SLC27A5: variants seen among roughly 807,000 people sequenced by gnomAD.
SLC27A5 encodes solute carrier family 27 member 5, also known as long-chain fatty acid transport protein 5.
Under a neutral mutation model 63.1 loss-of-function variants are expected in SLC27A5, and 47 were observed. The observed-to-expected ratio is 0.74, with a 90% CI of 0.59 to 0.95. The LOEUF (loss-of-function observed/expected upper bound fraction) is 0.95, where lower values mean the gene tolerates loss of function less well. SLC27A5 is among the 40% of genes least tolerant of loss of function. SLC27A5 has a pLI of 0.00. For missense variants in SLC27A5, 940 were observed against 921.0 expected (o/e 1.02, Z -0.27); for synonymous variants, 391 against 403.8 (o/e 0.97, Z 0.38).
rs946531722 is a variant in SLC27A5 at position 58,499,514 on chromosome 19, C to T, written c.1645G>A (p.Asp549Asn). ...MDREGFLYFR[D>N]RLGDTFRWKG... ...GACCGGAAGGTGTCCCCGAGGCGGT[C>T]GCGGAAGTAGAGGAAGCCTTCGCGG... The change falls in exon 7 of 10, where the codon GAC (aspartate) becomes AAC (asparagine). Residue 549 changes from aspartate (D) to asparagine (N), a missense_variant. Asp to Asn is a conservative substitution (Grantham distance 23). Coordinates refer to ENST00000263093, the MANE Select transcript of SLC27A5 (RefSeq NM_012254.3). 5.6e-6 allele frequency: 9 copies of T among 1,613,066 alleles called. No individual in the cohort carries two copies. The South Asian group carries it at 6.6e-5, about 12-fold the overall frequency.
intron 3 of SLC27A5, among the ~76,000 whole-genome samples, chr19:58,503,385 C>T (rs1389749945): frequency 1.3e-5 from 2 of 151,300 alleles, no homozygotes; most frequent in African/African-American, 4.9e-5. Flanking sequence ...GGGGGCTGGG[C>T]GTGGTGGCTC....
intron 3 of SLC27A5, among the ~76,000 whole-genome samples, chr19:58,503,814 C>CA (rs111527205): frequency 4.1e-5 from 6 of 145,092 alleles, no homozygotes; most frequent in East Asian, 3.9e-4. Flanking sequence ...AACAAACAAA[C>CA]AAAAAAACAG....
chr19:58,510,620 TA>T, intron 2 of SLC27A5, 100 bp downstream of exon 2: 1 of 985,650 alleles, frequency 1.0e-6, no homozygotes, highest in Non-Finnish European at 1.4e-6. Flanking sequence ...AATCAGAGGG[TA>T]AAGTGGTTTC....
chr19:58,507,552 T>C (rs2053361299), intron 3 of SLC27A5: 1 of 152,126 alleles, frequency 6.6e-6, no homozygotes, highest in Non-Finnish European at 1.5e-5. Flanking sequence ...TCAGCGCACA[T>C]TGAAAAAGAA....
Position 58,505,726 on chromosome 19 carries a change from T to C in SLC27A5, c.1057+4121A>G, listed in dbSNP as rs1355413864. Among the ~76,000 whole-genome samples, 8 of 151,092 alleles carry C rather than the reference T, an allele frequency of 5.3e-5. No homozygotes were observed. The East Asian group carries it at 1.6e-3, about 30-fold the overall frequency. On this transcript the variant is annotated intron_variant, in intron 3 of 9. Coordinates refer to ENST00000263093, the MANE Select transcript of SLC27A5 (RefSeq NM_012254.3). ...AGCCGGTCGTGAGGGCACATGCCTG[T>C]AATCCCAGCTACTTGGGATGCTGAG... is the stretch of plus-strand genomic sequence containing the variant.
Position 58,511,839 on chromosome 19 carries a change from A to G in SLC27A5, c.117T>C (p.Asp39=). 2.6e-6 allele frequency: 4 copies of G among 1,558,806 alleles called. No individual in the cohort carries two copies. Among genetic ancestry groups the G allele is most frequent in the Non-Finnish European group, 3.5e-6 (4 of 1,151,874 alleles). ...VALTLRWLLG[D]PTCCVLLGLA... ...GCCCAAGTAGCACGCAACATGTGGG[A>G]TCCCCCAGGAGCCAGCGCAGGGTCA... Residue 39 remains aspartate (D), a synonymous_variant, in exon 1 of 10, where the codon GAT becomes GAC. Transcript: ENST00000263093.
At chr19:58,500,887 A>C in intron 4 of SLC27A5, 181 bp from the exon 5 acceptor site, 2 of 1,420,454 alleles carry the variant, frequency 1.4e-6, no homozygotes, top group Non-Finnish European at 9.2e-7. Flanking sequence ...TGGAGTCTTA[A>C]ATAGAGGGTT....
intron 3 of SLC27A5, among the ~76,000 whole-genome samples, chr19:58,503,279 G>T (rs1031759932): frequency 4.6e-5 from 7 of 151,904 alleles, no homozygotes; most frequent in African/African-American, 1.7e-4. Flanking sequence ...ATGAATGAAT[G>T]AATGAGTGAG....
rs138279870 is a variant in SLC27A5 at position 58,499,592 on chromosome 19, C to A, written c.1567G>T (p.Val523Leu). The A allele has an allele frequency of 5.0e-6, 8 of 1,613,108 alleles. No homozygotes were observed. The highest frequency in any genetic ancestry group is 3.4e-6 in the Non-Finnish European group (4 of 1,180,010). Reference protein sequence around the residue: ...ELSERKLVRNVRQSGDVYYNT... With the variant: ...ELSERKLVRNLRQSGDVYYNT... Reference sequence around the variant, plus strand: ...TAGTAAACGTCGCCCGATTGCCGCACGTTGCGCACCAGCTTCCGTTCCGAC... The same window carrying A: ...TAGTAAACGTCGCCCGATTGCCGCAAGTTGCGCACCAGCTTCCGTTCCGAC... The change falls in exon 7 of 10, where the codon GTG becomes TTG. Residue 523 changes from valine (V) to leucine (L), a missense_variant. Val to Leu is a conservative substitution (Grantham distance 32). Transcript: ENST00000263093.
chr19:58,498,485 G>C lies in SLC27A5; in HGVS notation c.*30C>G. 1 of 1,585,614 alleles carries C rather than the reference G, an allele frequency of 6.3e-7. No homozygotes were observed. The highest frequency in any genetic ancestry group is 1.3e-5 in the African/African-American group (1 of 74,608). ...TGTTGGGGTGGGGGTGGCTGGCTTT[G>C]ATCCCTACCCCAGTGGGTTGGCCAG... On this transcript the variant is annotated 3_prime_UTR_variant, in exon 10 of 10. Transcript: ENST00000263093.
chr19:58,511,719 C>A lies in SLC27A5; in HGVS notation c.237G>T (p.Arg79=). The change falls in exon 1 of 10, where the codon CGG becomes CGT. Residue 79 remains arginine (R), a synonymous_variant. Coordinates refer to ENST00000263093, the MANE Select transcript of SLC27A5 (RefSeq NM_012254.3). ...AALALTLLPA[R]LPPGLRWLPA... Reference sequence around the variant, plus strand: ...GCAGCCAGCGTAGTCCTGGGGGCAGCCGTGCTGGCAGGAGGGTTAGTGCCA... The same window carrying A: ...GCAGCCAGCGTAGTCCTGGGGGCAGACGTGCTGGCAGGAGGGTTAGTGCCA... 6.4e-7 allele frequency: 1 copy of A among 1,557,702 alleles called. No individual in the cohort carries two copies. The highest frequency in any genetic ancestry group is 8.7e-7 in the Non-Finnish European group (1 of 1,150,292).
At chr19:58,501,117 T>A in intron 4 of SLC27A5, 169 bp downstream of exon 4, 1 of 1,221,164 alleles carries the variant, frequency 8.2e-7, no homozygotes, top group South Asian at 1.7e-5. Flanking sequence ...AGCACAGCTA[T>A]CAAAGAAACC....
chr19:58,501,343 G>A lies in SLC27A5; in HGVS notation c.1125C>T (p.Gly375=), dbSNP rs144295671. ...SCFWDDCRQH[G]VTVILYVGEL... ...CGCCCACATACAGGATCACTGTCAC[G>A]CCATGCTGCCGACAGTCATCCCAGA... Residue 375 remains glycine, a synonymous_variant, in exon 4 of 10, where the codon GGC becomes GGT. Transcript: ENST00000263093. 3.1e-4 allele frequency: 493 copies of A among 1,613,744 alleles called. No homozygotes were observed. The African/African-American group carries it at 5.8e-3, about 19-fold the overall frequency.
At position 58,510,817 on chromosome 19, in the gene SLC27A5, G is replaced by A; in HGVS notation, c.802C>T (p.Leu268=). The stretch of plus-strand genomic sequence containing the variant: ...ACTGGGTGGGAGGGCGCTGCATCCA[G>A]GGCAGCCCCCAGAGCCCCCACCCCT... ...TPGVGALGAA[L]DAAPSHPVPA... Residue 268 remains leucine (L), a synonymous_variant, in exon 2 of 10, where the codon CTG becomes TTG. Transcript: ENST00000263093. 1 of 1,613,574 alleles carries A rather than the reference G, an allele frequency of 6.2e-7. No individual in the cohort carries two copies. Among genetic ancestry groups the A allele is most frequent in the East Asian group, 2.2e-5 (1 of 44,882 alleles).
At chr19:58,503,611 C>T (rs1397633891) in intron 3 of SLC27A5, among the ~76,000 whole-genome samples, 3 of 151,870 alleles carry the variant, frequency 2.0e-5, no homozygotes, top group South Asian at 2.1e-4. Flanking sequence ...TGTAGTGAGC[C>T]GAGCTTACAC....
In SLC27A5 at chr19:58,499,565, TGTA is replaced by T; in HGVS notation, c.1591_1593del (p.Tyr531del). ...TCCATGGCCAGTACGTCCCCGGTGT[TGTA>T]GTAAACGTCGCCCGATTGCCGCACG... On this transcript the variant is annotated inframe_deletion, in exon 7 of 10. Transcript: ENST00000263093. The T allele has an allele frequency of 1.2e-6, 2 of 1,612,812 alleles. No individual in the cohort carries two copies. The highest frequency in any genetic ancestry group is 1.7e-6 in the Non-Finnish European group (2 of 1,179,950).
chr19:58,509,789 C>G (rs977950449), intron 3 of SLC27A5, 58 bp downstream of exon 3: 1 of 1,512,134 alleles, frequency 6.6e-7, no homozygotes, highest in African/African-American at 1.4e-5. Context: ...GACAGCCCCA[C>G]GCCGACACTT....
Position 58,503,814 on chromosome 19 carries a change from CA to C in SLC27A5, c.1058-2405del, listed in dbSNP as rs111527205. Among the ~76,000 whole-genome samples the C allele has an allele frequency of 1.7e-3, 249 of 145,092 alleles. 1 individual carries two copies. Among genetic ancestry groups the C allele is most frequent in the African/African-American group, 6.2e-3 (240 of 39,002 alleles). ...AAAAACAAACAAACAAACAAACAAA[CA>C]AAAAAACAGCCAATTGGCTGGGCAC... On this transcript the variant is annotated intron_variant, in intron 3 of 9. Transcript: ENST00000263093.
In SLC27A5 at chr19:58,498,653, C is replaced by T. The variant is rs2122483090; in HGVS notation, c.1935G>A (p.Lys645=). 1 of 1,614,126 alleles carries T rather than the reference C, an allele frequency of 6.2e-7. No individual in the cohort carries two copies. Among genetic ancestry groups the T allele is most frequent in the African/African-American group, 1.3e-5 (1 of 75,052 alleles). Reference sequence around the variant, plus strand: ...TGAAGCCCTCACGCACCAACCGGGTCTTCATCAGTTTGAACGTGCTGGTGA... The same window carrying T: ...TGAAGCCCTCACGCACCAACCGGGTTTTCATCAGTTTGAACGTGCTGGTGA... The part of the protein sequence containing the change: ...MEVTSTFKLM[K]TRLVREGFNV... Residue 645 remains lysine, a synonymous_variant, in exon 10 of 10, where the codon AAG becomes AAA. Coordinates refer to ENST00000263093, the MANE Select transcript of SLC27A5 (RefSeq NM_012254.3).
Sources: gnomAD v4.1 joint callset for allele counts (sites outside exome capture counted in the v4.1 genomes callset) on GRCh38, gnomAD v4.1.1 for gene constraint, MANE v1.5 for transcripts, NCBI Gene and HGNC (gene_info 2026-07-23, HGNC 2026-07-21) for gene names.